The following MEIKIN variants were observed in gnomAD, a reference collection of about 807,000 sequenced individuals.
The protein encoded by MEIKIN is meiotic kinetochore factor.
At chr5:131,845,955 T>A (rs1750010983) in intron 11 of MEIKIN, among the ~76,000 whole-genome samples, 1 of 152,134 alleles carries the variant, frequency 6.6e-6, no homozygotes, top group Non-Finnish European at 1.5e-5. Context: ...CCAAGTAAGA[T>A]GAACTGAAAG....
chr5:131,867,223 G>T (rs917872533), intron 9 of MEIKIN, among the ~76,000 whole-genome samples: 5 of 151,978 alleles, frequency 3.3e-5, no homozygotes, highest in Non-Finnish European at 7.4e-5. Flanking sequence ...TATTTTTTAG[G>T]TCAGTTTTGG....
intron 9 of MEIKIN, among the ~76,000 whole-genome samples, chr5:131,859,679 A>G (rs1750250009): frequency 6.6e-6 from 1 of 152,176 alleles, no homozygotes; most frequent in South Asian, 2.1e-4. Context: ...TTTCTTATAA[A>G]TTACCCAGTC....
chr5:131,894,803 T>A (rs1300300258), intron 8 of MEIKIN, among the ~76,000 whole-genome samples: 2 of 152,294 alleles, frequency 1.3e-5, no homozygotes, highest in Admixed American at 6.5e-5. Context: ...TTTTGGCCTG[T>A]GACGATGGGG....
At chr5:131,842,027 G>A (rs1749924350) in intron 11 of MEIKIN, among the ~76,000 whole-genome samples, 2 of 151,280 alleles carry the variant, frequency 1.3e-5, no homozygotes, top group Admixed American at 1.3e-4. Flanking sequence ...TTGAGACAGA[G>A]TCTCACTCTG....
chr5:131,812,754 A>G (rs1408333976), intron 12 of MEIKIN, among the ~76,000 whole-genome samples: 4 of 152,254 alleles, frequency 2.6e-5, no homozygotes, highest in Admixed American at 2.6e-4. Flanking sequence ...AGCAGATCCA[A>G]CGGTGCTTGT....
At chr5:131,885,229 C>T (rs944488828) in intron 8 of MEIKIN, among the ~76,000 whole-genome samples, 1 of 151,922 alleles carries the variant, frequency 6.6e-6, no homozygotes, top group Non-Finnish European at 1.5e-5. Context: ...TGGGTGAGAC[C>T]CAGTGCTGTG....
At chr5:131,888,679 T>C (rs1477528768) in intron 8 of MEIKIN, among the ~76,000 whole-genome samples, 1 of 152,206 alleles carries the variant, frequency 6.6e-6, no homozygotes, top group East Asian at 1.9e-4. Flanking sequence ...ACTCTGATGG[T>C]AGTTTCTTTT....
chr5:131,912,131 G>A (rs990225926), intron 7 of MEIKIN, among the ~76,000 whole-genome samples: 1 of 152,034 alleles, frequency 6.6e-6, no homozygotes, highest in African/African-American at 2.4e-5. Context: ...GAATAAGACA[G>A]ACCTTGCTTT....
At chr5:131,809,923 CA>C (rs1772921247) in intron 12 of MEIKIN, among the ~76,000 whole-genome samples, 1 of 151,930 alleles carries the variant, frequency 6.6e-6, no homozygotes, top group Non-Finnish European at 1.5e-5. Flanking sequence ...ATAATTATTG[CA>C]TAATGAGTGA....
At chr5:131,919,644 T>A in intron 6 of MEIKIN, among the ~76,000 whole-genome samples, 1 of 152,106 alleles carries the variant, frequency 6.6e-6, no homozygotes, top group East Asian at 1.9e-4. Flanking sequence ...AGTAGCTATA[T>A]AGCACGGTAC....
chr5:131,872,882 C>A (rs1750532923), intron 9 of MEIKIN, among the ~76,000 whole-genome samples: 1 of 152,230 alleles, frequency 6.6e-6, no homozygotes. Flanking sequence ...CCCAGCATTT[C>A]ATATCCAGCC....
chr5:131,832,596 T>G (rs1229410495), intron 11 of MEIKIN, among the ~76,000 whole-genome samples: 1 of 152,200 alleles, frequency 6.6e-6, no homozygotes, highest in African/African-American at 2.4e-5. Flanking sequence ...CAACCCCACA[T>G]TTCCCTTCTG....
chr5:131,813,429 C>CTTTTT (rs70974017), intron 12 of MEIKIN, among the ~76,000 whole-genome samples: 1 of 140,642 alleles, frequency 7.1e-6, no homozygotes, highest in Non-Finnish European at 1.5e-5. Flanking sequence ...TAACTATATT[C>CTTTTT]TTTTTTTTTT....
At chr5:131,817,455 C>G (rs1773122226) in intron 12 of MEIKIN, among the ~76,000 whole-genome samples, 1 of 145,494 alleles carries the variant, frequency 6.9e-6, no homozygotes, top group Non-Finnish European at 1.5e-5. Context: ...ACTGAAAATA[C>G]AAAAAAAAAA....
chr5:131,911,171 T>C (rs1057308613), intron 8 of MEIKIN, among the ~76,000 whole-genome samples: 12 of 152,100 alleles, frequency 7.9e-5, no homozygotes, highest in African/African-American at 2.4e-5. Context: ...ATACCTACAG[T>C]TCCTAACTTA....
intron 11 of MEIKIN, among the ~76,000 whole-genome samples, chr5:131,839,701 G>A (rs1016928426): frequency 9.2e-5 from 14 of 152,064 alleles, no homozygotes; most frequent in South Asian, 2.1e-4. Flanking sequence ...CATTTGCTTC[G>A]TAGATTTTCC....
At chr5:131,836,742 T>G (rs1356750912) in intron 11 of MEIKIN, among the ~76,000 whole-genome samples, 1 of 147,866 alleles carries the variant, frequency 6.8e-6, no homozygotes. Flanking sequence ...TTTTTAATGT[T>G]TTTTTTTTTT....
At chr5:131,919,338 T>C (rs1353188537) in intron 6 of MEIKIN, among the ~76,000 whole-genome samples, 2 of 152,184 alleles carry the variant, frequency 1.3e-5, no homozygotes, top group East Asian at 1.9e-4. Flanking sequence ...TAAAATGATA[T>C]ATGCACTTAC....
chr5:131,833,489 C>G (rs1186596588), intron 11 of MEIKIN, among the ~76,000 whole-genome samples: 2 of 152,214 alleles, frequency 1.3e-5, no homozygotes, highest in Non-Finnish European at 2.9e-5. Flanking sequence ...CAACTTCTGC[C>G]TGATACCCAG....
Sources: allele counts gnomAD v4.1 joint callset (sites outside exome capture counted in the v4.1 genomes callset), GRCh38; gene constraint gnomAD v4.1.1; transcripts MANE v1.5; gene names NCBI Gene and HGNC (gene_info 2026-07-23, HGNC 2026-07-21).